The following NBEAL2 variants were observed in gnomAD, a reference collection of about 807,000 sequenced individuals.
NBEAL2 encodes the protein neurobeachin-like protein 2.
Under a neutral mutation model 299.8 loss-of-function variants are expected in NBEAL2, and 160 were observed. The observed-to-expected ratio is 0.53, with a 90% confidence interval of 0.47 to 0.61. The LOEUF is 0.61. NBEAL2 is among the 20% of genes least tolerant of loss of function. The pLI, the probability that NBEAL2 is intolerant of heterozygous loss-of-function variation, is 0.00. For synonymous variants in NBEAL2, 1,493 were observed against 1,542.3 expected (o/e 0.97, Z 0.75); for missense variants, 3,112 against 3,649.0 (o/e 0.85, Z 3.79).
chr3:46,989,178 T>C lies in NBEAL2; in HGVS notation c.351+12T>C. The C allele has an allele frequency of 1.9e-6, 3 of 1,613,780 alleles. No individual in the cohort carries two copies. Among genetic ancestry groups the C allele is most frequent in the Non-Finnish European group, 2.5e-6 (3 of 1,179,812 alleles). On this transcript the variant is annotated intron_variant, in intron 4 of 53. Transcript: ENST00000450053. This position sits in a 1 kb window ranked among gnomAD's most constrained non-coding sequence, Gnocchi z 5.5. ...AGTTGGTGGCGGAGGTGAAGTGGCC[T>C]CTACCTTGGGGGGCAGAGGGTGTAT... is the stretch of plus-strand genomic sequence containing the variant.
Position 47,004,774 on chromosome 3 carries a change from C to A in NBEAL2, c.6294+184C>A, listed in dbSNP as rs986548912. The A allele has an allele frequency of 2.0e-6, 2 of 1,018,552 alleles. No homozygotes were observed. Among genetic ancestry groups the A allele is most frequent in the South Asian group, 1.5e-5 (1 of 66,508 alleles). 63.1% of individuals were successfully genotyped at this position (1,018,552 alleles called of 1,614,324 possible). On this transcript the variant is annotated intron_variant, in intron 38 of 53. Coordinates refer to ENST00000450053, the MANE Select transcript of NBEAL2 (RefSeq NM_015175.3). This position sits in a 1 kb window ranked among gnomAD's most constrained non-coding sequence, Gnocchi z 5.0. ...AGGTCCCCAGCCTCACTCCCTTCCCCTCCCTGCCTAGCCTCTATTCCTCAA... is the reference window on the plus strand; with the variant it reads ...AGGTCCCCAGCCTCACTCCCTTCCCATCCCTGCCTAGCCTCTATTCCTCAA...
Position 46,982,741 on chromosome 3 carries a change from G to T in NBEAL2, c.51+2829G>T, listed in dbSNP as rs1337217987. On this transcript the variant is annotated intron_variant, in intron 1 of 53. Coordinates refer to ENST00000450053, the MANE Select transcript of NBEAL2 (RefSeq NM_015175.3). The surrounding 1 kb of genome is among the most constrained non-coding windows in gnomAD (Gnocchi z 4.2). ...TTTGGGCTTTGAAGGCTGAGAGGAA[G>T]AAACAGCAGGAGCAGTGGGACAAGA... Among the ~76,000 whole-genome samples the T allele has an allele frequency of 6.6e-6, 1 of 152,176 alleles. No individual in the cohort carries two copies. Among genetic ancestry groups the T allele is most frequent in the Non-Finnish European group, 1.5e-5 (1 of 68,030 alleles).
chr3:46,987,888 C>A, intron 1 of NBEAL2: 1 of 628,630 alleles, frequency 1.6e-6, no homozygotes. Flanking sequence ...CCCCGGCCCC[C>A]CCACATCCCT....
Position 47,002,110 on chromosome 3 carries a change from C to T in NBEAL2, c.4973C>T (p.Ala1658Val). 1 of 1,550,888 alleles carries T rather than the reference C, an allele frequency of 6.4e-7. No homozygotes were observed. The highest frequency in any genetic ancestry group is 8.7e-7 in the Non-Finnish European group (1 of 1,147,040). Residue 1658 changes from alanine (A) to valine (V), a missense_variant, in exon 31 of 54, where the codon GCA becomes GTA. Physicochemically the swap from Ala to Val is moderately conservative, Grantham distance 64 (BLOSUM62 0). Around this residue, in one of 3 missense-constraint regions of NBEAL2, gnomAD observed 2,243 missense variants for 2,538.1 expected, o/e 0.88. Transcript: ENST00000450053. ...GCAGCTGCAGCAGCTGCAGCAGCTG[C>T]AGAGCGCTGCTCCTGGCTGGTGCCA... ...PLAAAAAAAA[A>V]ERCSWLVPLV...
At position 47,007,553 on chromosome 3, in the gene NBEAL2, G is replaced by A; in HGVS notation, c.7363G>A (p.Val2455Met). 2.5e-6 allele frequency: 4 copies of A among 1,612,468 alleles called. No individual in the cohort carries two copies. The highest frequency in any genetic ancestry group is 3.4e-6 in the Non-Finnish European group (4 of 1,179,628). Residue 2455 changes from valine to methionine, a missense_variant, in exon 48 of 54, where the codon GTG becomes ATG. Val to Met is a conservative substitution (Grantham distance 21, BLOSUM62 1). This residue lies in a region of NBEAL2 where 521 missense variants were observed against 729.6 expected (regional missense o/e 0.71). Coordinates refer to ENST00000450053, the MANE Select transcript of NBEAL2 (RefSeq NM_015175.3). ...GCAGCGACTGCTGAGTGGCCCGTGG[G>A]TGCCAGGCAGTGGTGTGAGTGGACA... ...KTQRLLSGPW[V>M]PGSGVSGQAL...
Position 46,989,881 on chromosome 3 carries a change from A to G in NBEAL2, c.556+288A>G, listed in dbSNP as rs546103543. Among the ~76,000 whole-genome samples, 3 of 152,110 alleles carry G rather than the reference A, an allele frequency of 2.0e-5. No individual in the cohort carries two copies. The highest frequency in any genetic ancestry group is 7.2e-5 in the African/African-American group (3 of 41,484). Reference sequence around the variant, plus strand: ...TTCTAGCCACTTGTACCCTACTGTGATCTTAAAACTCTCTGGTCCAATCCC... The same window carrying G: ...TTCTAGCCACTTGTACCCTACTGTGGTCTTAAAACTCTCTGGTCCAATCCC... On this transcript the variant is annotated intron_variant, in intron 6 of 53. Coordinates refer to ENST00000450053, the MANE Select transcript of NBEAL2 (RefSeq NM_015175.3). The surrounding 1 kb of genome is among the most constrained non-coding windows in gnomAD (Gnocchi z 5.5).
In NBEAL2 at chr3:46,999,385, G is replaced by C; in HGVS notation, c.3614G>C (p.Cys1205Ser). The change falls in exon 25 of 54, where the codon TGT becomes TCT. Residue 1205 changes from cysteine to serine, a missense_variant. Physicochemically the swap from Cys to Ser is moderately radical, Grantham distance 112. Transcript: ENST00000450053. ...RSRQRLRLRE[C>S]GLQGLVACLP... Reference sequence around the variant, plus strand: ...CGCCAGCGCCTCCGGCTGCGGGAGTGTGGTCTCCAGGGTCTGGTTGCCTGC... The same window carrying C: ...CGCCAGCGCCTCCGGCTGCGGGAGTCTGGTCTCCAGGGTCTGGTTGCCTGC... 1 of 1,606,136 alleles carries C rather than the reference G, an allele frequency of 6.2e-7. No homozygotes were observed. The highest frequency in any genetic ancestry group is 8.5e-7 in the Non-Finnish European group (1 of 1,177,084).
At chr3:46,981,909 C>A (rs2035374686) in intron 1 of NBEAL2, 1 of 152,304 alleles carries the variant, frequency 6.6e-6, no homozygotes, top group African/African-American at 2.4e-5. Context: ...TGTGCTGAGC[C>A]TCCCCCTCCC....
In NBEAL2 at chr3:46,989,110, C is replaced by T. The variant is rs370550688; in HGVS notation, c.295C>T (p.Arg99Trp). 49 of 1,613,560 alleles carry T rather than the reference C, an allele frequency of 3.0e-5. No homozygotes were observed. The highest frequency in any genetic ancestry group is 1.6e-4 in the Middle Eastern group (1 of 6,080). Residue 99 changes from arginine to tryptophan, a missense_variant, in exon 4 of 54, where the codon CGG becomes TGG. Coordinates refer to ENST00000450053, the MANE Select transcript of NBEAL2 (RefSeq NM_015175.3). This position sits in a 1 kb window ranked among gnomAD's most constrained non-coding sequence, Gnocchi z 5.5. The part of the protein sequence containing the change: ...CRNLENIEAG[R>W]GQVLVPRVLA... Reference sequence around the variant, plus strand: ...GAACCTGGAGAACATAGAGGCAGGCCGGGGCCAAGTGCTAGTGCCCCGAGT... The same window carrying T: ...GAACCTGGAGAACATAGAGGCAGGCTGGGGCCAAGTGCTAGTGCCCCGAGT...
At position 46,989,682 on chromosome 3, in the gene NBEAL2, A is replaced by G; in HGVS notation, c.556+89A>G. 1.7e-6 allele frequency: 2 copies of G among 1,188,676 alleles called. No individual in the cohort carries two copies. Among genetic ancestry groups the G allele is most frequent in the Admixed American group, 4.0e-5 (2 of 49,938 alleles). The allele number at this position is 1,188,676 out of a possible 1,614,324, so 73.6% of individuals were successfully genotyped here. ...CTTGATCCTGCCATACACAGGAACC[A>G]CTTGGTGGTGGCTGCATGCAGGACT... On this transcript the variant is annotated intron_variant, in intron 6 of 53. Transcript: ENST00000450053. This position sits in a 1 kb window ranked among gnomAD's most constrained non-coding sequence, Gnocchi z 5.5.
chr3:46,995,591 C>T lies in NBEAL2; in HGVS notation c.1856C>T (p.Thr619Ile), dbSNP rs749711491. ...CTGCACCCTATGGATACAGCACCTA[C>T]CCCTGCCCCCACCCGACCACTCCAG... is the stretch of plus-strand genomic sequence containing the variant. ...LCLHPMDTAP[T>I]PAPTRPLQRK... Residue 619 changes from threonine to isoleucine, a missense_variant, in exon 13 of 54, where the codon ACC becomes ATC. Physicochemically the swap from Thr to Ile is moderately conservative, Grantham distance 89. Around this residue, in one of 3 missense-constraint regions of NBEAL2, gnomAD observed 2,243 missense variants for 2,538.1 expected, o/e 0.88. Coordinates refer to ENST00000450053, the MANE Select transcript of NBEAL2 (RefSeq NM_015175.3). 1.2e-6 allele frequency: 2 copies of T among 1,612,426 alleles called. No individual in the cohort carries two copies. Among genetic ancestry groups the T allele is most frequent in the Non-Finnish European group, 1.7e-6 (2 of 1,179,644 alleles).
In NBEAL2 at chr3:46,995,965, C is replaced by A. The variant is rs1412880049; in HGVS notation, c.2065C>A (p.Arg689=). The change falls in exon 15 of 54, where the codon CGG becomes AGG. Residue 689 remains arginine (R), a synonymous_variant. Coordinates refer to ENST00000450053, the MANE Select transcript of NBEAL2 (RefSeq NM_015175.3). The stretch of plus-strand genomic sequence containing the variant: ...GGCTATCGTCCATGTGCCTGGGCGC[C>A]GGCCCTTCAGCCAGAACCTGGTCCA... ...CVAIVHVPGR[R]PFSQNLVHVY... 6.2e-7 allele frequency: 1 copy of A among 1,613,116 alleles called. No homozygotes were observed.
chr3:46,996,901 G>A (rs1246316963), intron 17 of NBEAL2, 53 bp from the exon 18 acceptor site: 15 of 1,608,544 alleles, frequency 9.3e-6, no homozygotes, highest in Non-Finnish European at 1.3e-5. Context: ...CACTCTGCCT[G>A]CCACCCCCTC....
intron 20 of NBEAL2, 134 bp downstream of exon 20, chr3:46,997,828 C>T (rs1410646328): frequency 6.1e-6 from 8 of 1,318,318 alleles, no homozygotes; most frequent in East Asian, 2.6e-5. Context: ...CCTGAAAGGC[C>T]GAGCAGGGTT....
In NBEAL2 at chr3:47,005,691, G is replaced by GA. The variant is rs750620854; in HGVS notation, c.6692-47_6692-46insA. On this transcript the variant is annotated intron_variant, in intron 41 of 53. Transcript: ENST00000450053. ...GAGCAGATGGTGGAGTGGCCAGGGG[G>GA]CAGTCGGGATGGACAGGGAGACAGC... 3.7e-6 allele frequency: 6 copies of GA among 1,612,834 alleles called. No individual in the cohort carries two copies. The African/African-American group carries it at 6.7e-5, about 18-fold the overall frequency.
In NBEAL2 at chr3:47,000,041, G is replaced by A. The variant is rs915749760; in HGVS notation, c.3942G>A (p.Lys1314=). The stretch of plus-strand genomic sequence containing the variant: ...CCCCAGAGTCACCTACCTCCCCCAA[G>A]CCAGCCCCACCCAAGCCACCCACTG... ...PSSPESPTSP[K]PAPPKPPTES... is the part of the protein sequence containing the mutation. Residue 1314 remains lysine, a synonymous_variant, in exon 27 of 54, where the codon AAG becomes AAA. Coordinates refer to ENST00000450053, the MANE Select transcript of NBEAL2 (RefSeq NM_015175.3). This position sits in a 1 kb window ranked among gnomAD's most constrained non-coding sequence, Gnocchi z 4.5. The A allele has an allele frequency of 1.6e-5, 26 of 1,612,268 alleles. No individual in the cohort carries two copies. Among genetic ancestry groups the A allele is most frequent in the African/African-American group, 2.7e-5 (2 of 74,588 alleles).
chr3:46,989,250 A>C lies in NBEAL2; in HGVS notation c.352-10A>C. The stretch of plus-strand genomic sequence containing the variant: ...ATGGCGGGGCTAACCCTCTCTCCCC[A>C]CACCTACAGCTGAAAGGATGCCCAC... On this transcript the variant is annotated splice_polypyrimidine_tract_variant and intron_variant, in intron 4 of 53. Transcript: ENST00000450053. This position sits in a 1 kb window ranked among gnomAD's most constrained non-coding sequence, Gnocchi z 5.5. 1 of 1,612,136 alleles carries C rather than the reference A, an allele frequency of 6.2e-7. No individual in the cohort carries two copies.
chr3:46,989,071 A>G lies in NBEAL2; in HGVS notation c.270-14A>G. ...GTGTATTATTGTGACCTCTCTCATCATTGACTCCCCCAGGAACCTGGAGAA... is the reference window on the plus strand; with the variant it reads ...GTGTATTATTGTGACCTCTCTCATCGTTGACTCCCCCAGGAACCTGGAGAA... On this transcript the variant is annotated splice_polypyrimidine_tract_variant and intron_variant, in intron 3 of 53. Coordinates refer to ENST00000450053, the MANE Select transcript of NBEAL2 (RefSeq NM_015175.3). The surrounding 1 kb of genome is among the most constrained non-coding windows in gnomAD (Gnocchi z 5.5). 1 of 1,613,152 alleles carries G rather than the reference A, an allele frequency of 6.2e-7. No homozygotes were observed. The highest frequency in any genetic ancestry group is 8.5e-7 in the Non-Finnish European group (1 of 1,179,554).
At position 47,009,605 on chromosome 3, in the gene NBEAL2, C is replaced by T. The variant is rs1216032843; in HGVS notation, c.*285C>T. 2.2e-6 allele frequency: 1 copy of T among 455,806 alleles called. No homozygotes were observed. Among genetic ancestry groups the T allele is most frequent in the African/African-American group, 2.1e-5 (1 of 47,642 alleles). 28.2% of individuals were successfully genotyped at this position (455,806 alleles called of 1,614,324 possible). ...GGGCGGGGTTCCCCGGCTTCCAAGT[C>T]GCTGTTTCGTCAAAGCACGAGGGCC... On this transcript the variant is annotated 3_prime_UTR_variant, in exon 54 of 54. Coordinates refer to ENST00000450053, the MANE Select transcript of NBEAL2 (RefSeq NM_015175.3).
Sources: allele counts gnomAD v4.1 joint callset (sites outside exome capture counted in the v4.1 genomes callset), GRCh38; gene constraint gnomAD v4.1.1; regional missense constraint gnomAD v4.1.1; non-coding constraint Gnocchi (gnomAD v3.1); transcripts MANE v1.5; gene names NCBI Gene and HGNC (gene_info 2026-07-23, HGNC 2026-07-21).